The following DEUP1 variants were observed in gnomAD, a reference collection of about 807,000 sequenced individuals.
DEUP1 encodes the protein deuterosome assembly protein 1.
Under a neutral mutation model 87.4 loss-of-function variants are expected in DEUP1, and 82 were observed. That is an observed-to-expected ratio of 0.94 (90% CI 0.78 to 1.13). The LOEUF (loss-of-function observed/expected upper bound fraction) is 1.13, where lower values mean the gene tolerates loss of function less well. Ranked by LOEUF, DEUP1 falls within the 50% of genes most tolerant of loss-of-function variation. The pLI is 0.00. For synonymous variants in DEUP1, 214 were observed against 222.7 expected (o/e 0.96, Z 0.35); for missense variants, 663 against 681.5 (o/e 0.97, Z 0.30).
At chr11:93,367,955 A>C (rs888548384) in intron 5 of DEUP1, among the ~76,000 whole-genome samples, 3 of 152,210 alleles carry the variant, frequency 2.0e-5, no homozygotes, top group Non-Finnish European at 4.4e-5. Flanking sequence ...AAGAGCCCTT[A>C]CCCTCAAGTT....
chr11:93,390,442 A>T (rs1946732545), intron 9 of DEUP1, among the ~76,000 whole-genome samples: 1 of 152,192 alleles, frequency 6.6e-6, no homozygotes, highest in Non-Finnish European at 1.5e-5. Context: ...AGGTGTTATG[A>T]ATCAGTGATC....
intron 2 of DEUP1, among the ~76,000 whole-genome samples, chr11:93,354,618 G>T (rs1295807396): frequency 6.6e-5 from 10 of 152,062 alleles, no homozygotes. Flanking sequence ...AGAATCATGG[G>T]GGGAGCCAAA....
chr11:93,351,953 T>C (rs964134969), intron 2 of DEUP1, among the ~76,000 whole-genome samples: 2 of 152,222 alleles, frequency 1.3e-5, no homozygotes, highest in Non-Finnish European at 2.9e-5. Context: ...TACTGTATTT[T>C]TCAAGCATGT....
intron 12 of DEUP1, among the ~76,000 whole-genome samples, chr11:93,409,171 C>T (rs1020407648): frequency 6.6e-6 from 1 of 152,078 alleles, no homozygotes; most frequent in South Asian, 2.1e-4. Flanking sequence ...GATACACTTT[C>T]CATTGACATT....
At chr11:93,358,909 T>A (rs1945027532) in intron 4 of DEUP1, among the ~76,000 whole-genome samples, 1 of 152,094 alleles carries the variant, frequency 6.6e-6, no homozygotes, top group South Asian at 2.1e-4. Context: ...GCTAAAACAT[T>A]CTGATACCAC....
intron 7 of DEUP1, 115 bp from the exon 8 acceptor site, chr11:93,385,283 C>T: frequency 1.1e-6 from 1 of 933,118 alleles, no homozygotes; most frequent in Non-Finnish European, 1.6e-6. Flanking sequence ...AAGCAAAGGA[C>T]TAAATATCAG....
At chr11:93,332,436 T>G in intron 2 of DEUP1, 148 bp downstream of exon 2, 1 of 613,988 alleles carries the variant, frequency 1.6e-6, no homozygotes, top group Non-Finnish European at 2.9e-6. Context: ...ATGAAGTGAC[T>G]GTAATTAAGG....
At chr11:93,405,168 A>T (rs72643376) in intron 11 of DEUP1, among the ~76,000 whole-genome samples, 11,853 of 151,978 alleles carry the variant, frequency 0.078, 612 homozygotes, top group Middle Eastern at 0.16. Flanking sequence ...TAGATATCTT[A>T]TTAAGAGTCA....
In DEUP1 at chr11:93,385,502, A is replaced by T. The variant is rs779797451; in HGVS notation, c.894A>T (p.Leu298Phe). 2 of 1,610,990 alleles carry T rather than the reference A, an allele frequency of 1.2e-6. No individual in the cohort carries two copies. Among genetic ancestry groups the T allele is most frequent in the Non-Finnish European group, 1.7e-6 (2 of 1,178,638 alleles). Reference protein sequence around the residue: ...MERLQLHRELLKIGECQNAQG... With the variant: ...MERLQLHRELFKIGECQNAQG... Reference sequence around the variant, plus strand: ...GATTGCAATTACACAGAGAATTATTAAAAATAGGAGAGTGCCAAAATGCTC... The same window carrying T: ...GATTGCAATTACACAGAGAATTATTTAAAATAGGAGAGTGCCAAAATGCTC... The change falls in exon 8 of 14, where the codon TTA becomes TTT. Residue 298 changes from leucine (L) to phenylalanine (F), a missense_variant. By Grantham distance (22) the Leu-to-Phe change is conservative. Coordinates refer to ENST00000298050, the MANE Select transcript of DEUP1 (RefSeq NM_181645.4).
At chr11:93,431,448 T>C (rs1948106653) in intron 13 of DEUP1, among the ~76,000 whole-genome samples, 1 of 152,138 alleles carries the variant, frequency 6.6e-6, no homozygotes, top group African/African-American at 2.4e-5. Context: ...GGAAGTCCGA[T>C]ATATGAGGAC....
chr11:93,397,799 A>G (rs1946985736), intron 11 of DEUP1, among the ~76,000 whole-genome samples: 1 of 152,202 alleles, frequency 6.6e-6, no homozygotes, highest in African/African-American at 2.4e-5. Flanking sequence ...TAAATGTATA[A>G]TATATACATT....
intron 2 of DEUP1, among the ~76,000 whole-genome samples, chr11:93,353,464 T>TG (rs1944732242): frequency 6.6e-6 from 1 of 152,176 alleles, no homozygotes; most frequent in South Asian, 2.1e-4. Flanking sequence ...TGGAGGACAG[T>TG]GGCCTCTTCT....
chr11:93,408,076 G>A (rs994694167), intron 11 of DEUP1, among the ~76,000 whole-genome samples, 155 bp from the exon 12 acceptor site: 2 of 151,950 alleles, frequency 1.3e-5, no homozygotes, highest in Non-Finnish European at 2.9e-5. Context: ...GGAGGTGAGG[G>A]GGTGGAAAGG....
In DEUP1 at chr11:93,409,484, C is replaced by T. The variant is rs562147861; in HGVS notation, c.1523+1057C>T. 6.0e-4 allele frequency among the ~76,000 whole-genome samples: 92 copies of T among 152,224 alleles called. No individual in the cohort carries two copies. The South Asian group carries it at 0.018, about 30-fold the overall frequency. ...TTATTTTATACAATATTTCTCAGAG[C>T]CATTAATATGTTAACTTACACTGTG... is the stretch of plus-strand genomic sequence containing the variant. On this transcript the variant is annotated intron_variant, in intron 12 of 13. Coordinates refer to ENST00000298050, the MANE Select transcript of DEUP1 (RefSeq NM_181645.4).
chr11:93,409,226 C>A (rs1486330802), intron 12 of DEUP1, among the ~76,000 whole-genome samples: 1 of 152,148 alleles, frequency 6.6e-6, no homozygotes, highest in African/African-American at 2.4e-5. Flanking sequence ...GAGAAGGAAT[C>A]TATGGATGTA....
intron 6 of DEUP1, among the ~76,000 whole-genome samples, chr11:93,370,493 G>A (rs1272675216): frequency 6.6e-6 from 1 of 152,118 alleles, no homozygotes; most frequent in Non-Finnish European, 1.5e-5. Context: ...GTATTTCCCT[G>A]GCTACTTGTA....
chr11:93,340,233 G>C lies in DEUP1; in HGVS notation c.29+7945G>C, dbSNP rs369711111. 9.2e-5 allele frequency among the ~76,000 whole-genome samples: 14 copies of C among 152,280 alleles called. No homozygotes were observed. The South Asian group carries it at 2.9e-3, about 32-fold the overall frequency. ...AGAGTTACAGAGTAAATCTGGTTAG[G>C]TGACATTTGAAGAAAGACCTAAAAA... On this transcript the variant is annotated intron_variant, in intron 2 of 13. Transcript: ENST00000298050.
intron 10 of DEUP1, among the ~76,000 whole-genome samples, chr11:93,395,674 G>A (rs191867308): frequency 6.6e-6 from 1 of 152,216 alleles, no homozygotes; most frequent in Admixed American, 6.5e-5. Context: ...TAAGGCACGT[G>A]TTTTATACAG....
intron 13 of DEUP1, 101 bp downstream of exon 13, chr11:93,415,215 T>A: frequency 1.5e-6 from 1 of 674,830 alleles, no homozygotes; most frequent in Non-Finnish European, 2.5e-6. Context: ...CGTTTGTTTT[T>A]AATCTCACTC....
Sources: gnomAD v4.1 joint callset for allele counts (sites outside exome capture counted in the v4.1 genomes callset) on GRCh38, gnomAD v4.1.1 for gene constraint, MANE v1.5 for transcripts, NCBI Gene and HGNC (gene_info 2026-07-23, HGNC 2026-07-21) for gene names.